Variants in ZNF251 observed in about 807,000 individuals in gnomAD.
ZNF251 encodes zinc finger protein 251.
A neutral mutation model predicts 13.5 loss-of-function variants in ZNF251; 14 were observed. The ratio of observed to expected loss-of-function variants is 1.04; its 90% CI spans 0.69 to 1.63. The LOEUF is 1.63. Ranked by LOEUF, ZNF251 falls within the 40% of genes most tolerant of loss-of-function variation. The pLI is 0.00. For synonymous variants in ZNF251, 287 were observed against 295.2 expected, an observed-to-expected ratio of 0.97 and a Z score of 0.28; for missense variants, 764 against 834.9, an observed-to-expected ratio of 0.92 and a Z score of 1.05.
intron 4 of ZNF251, among the ~76,000 whole-genome samples, chr8:144,731,144 G>C (rs1201983678): frequency 6.6e-6 from 1 of 152,202 alleles, no homozygotes; most frequent in Non-Finnish European, 1.5e-5. Flanking sequence ...CCTGGGCCAT[G>C]AGCTAAGGCC....
At chr8:144,739,850 G>A (rs1027046303) in intron 4 of ZNF251, among the ~76,000 whole-genome samples, 4 of 151,468 alleles carry the variant, frequency 2.6e-5, no homozygotes, top group African/African-American at 4.9e-5. Flanking sequence ...AGCCAAGATG[G>A]CACCACTGCA....
intron 4 of ZNF251, among the ~76,000 whole-genome samples, chr8:144,729,635 C>T (rs1268319338): frequency 6.6e-6 from 1 of 152,114 alleles, no homozygotes; most frequent in African/African-American, 2.4e-5. Context: ...CGCACCCGGC[C>T]TAAGATTCCT....
At chr8:144,754,574 C>T (rs1463259371) in intron 2 of ZNF251, 122 bp downstream of exon 2, 6 of 1,465,098 alleles carry the variant, frequency 4.1e-6, no homozygotes, top group Non-Finnish European at 5.4e-6. Context: ...CCTTTCCTCA[C>T]GGTTGCTATG....
chr8:144,737,837 C>CAAAAAAAA (rs56856212), intron 4 of ZNF251, among the ~76,000 whole-genome samples: 1 of 52,022 alleles, frequency 1.9e-5, no homozygotes, highest in African/African-American at 8.8e-5. Flanking sequence ...GACTCTGTCT[C>CAAAAAAAA]AAAAAAAAAA....
At chr8:144,733,041 G>T (rs949054695) in intron 4 of ZNF251, among the ~76,000 whole-genome samples, 10 of 151,634 alleles carry the variant, frequency 6.6e-5, no homozygotes, top group Non-Finnish European at 1.3e-4. Flanking sequence ...GGCCAACATG[G>T]AGAAACCCTG....
At chr8:144,732,129 AGACG>A (rs1305410831) in intron 4 of ZNF251, among the ~76,000 whole-genome samples, 1 of 151,310 alleles carries the variant, frequency 6.6e-6, no homozygotes, top group Admixed American at 6.6e-5. Context: ...TTTTTTGTAA[AGACG>A]GAGTTTACCA....
intron 4 of ZNF251, chr8:144,738,546 G>T (rs139934426): frequency 1.0e-6 from 1 of 984,730 alleles, no homozygotes; most frequent in Non-Finnish European, 1.2e-6. Flanking sequence ...ACTCATCCCC[G>T]GCCCCTTCCT....
chr8:144,751,404 G>C lies in ZNF251; in HGVS notation c.277+2279C>G, dbSNP rs1824687062. 2.6e-5 allele frequency among the ~76,000 whole-genome samples: 4 copies of C among 152,154 alleles called. 1 individual carries two copies. The South Asian group carries it at 6.2e-4, about 24-fold the overall frequency. ...CTTTCTGAGTTTAAAATGTTATGTA[G>C]ATGTATTACACATAACAACTATAAC... On this transcript the variant is annotated intron_variant, in intron 4 of 4. Coordinates refer to ENST00000292562, the MANE Select transcript of ZNF251 (RefSeq NM_138367.2).
intron 4 of ZNF251, among the ~76,000 whole-genome samples, chr8:144,743,359 C>T (rs577093320): frequency 3.3e-5 from 5 of 152,276 alleles, no homozygotes; most frequent in South Asian, 2.1e-4. Context: ...GCACCGTGCC[C>T]GGCCAATCAT....
In ZNF251 at chr8:144,731,808, G is replaced by A. The variant is rs563074903; in HGVS notation, c.278-8426C>T. 2.6e-5 allele frequency among the ~76,000 whole-genome samples: 4 copies of A among 151,968 alleles called. No homozygotes were observed. In the East Asian group the frequency reaches 7.7e-4, roughly 29 times the overall value. On this transcript the variant is annotated intron_variant, in intron 4 of 4. Coordinates refer to ENST00000292562, the MANE Select transcript of ZNF251 (RefSeq NM_138367.2). ...TCACCATGCTGGCCAGGCAGGTCTCGAACTCCTGACTCCAGGTGATCCGCC... is the reference window on the plus strand; with the variant it reads ...TCACCATGCTGGCCAGGCAGGTCTCAAACTCCTGACTCCAGGTGATCCGCC...
rs7841790 is a variant in ZNF251, at chr8:144,732,775, G to T, written c.278-9393C>A. On this transcript the variant is annotated intron_variant, in intron 4 of 4. Transcript: ENST00000292562. ...TGCAGTGAGCCAAGATCGCACCACT[G>T]CACTCCAGCCTGGGCGACAGAGCGA... is the stretch of plus-strand genomic sequence containing the variant. Among the ~76,000 whole-genome samples the T allele has an allele frequency of 6.7e-3, 962 of 143,946 alleles. 11 individuals are homozygous for T. Among genetic ancestry groups the T allele is most frequent in the African/African-American group, 0.023 (880 of 38,546 alleles). The allele number at this position is 143,946 out of a possible 152,430, so 94.4% of individuals were successfully genotyped here.
intron 4 of ZNF251, among the ~76,000 whole-genome samples, chr8:144,737,696 G>C (rs563755460): frequency 6.7e-6 from 1 of 149,900 alleles, no homozygotes; most frequent in South Asian, 2.1e-4. Context: ...GCCAGGCGTG[G>C]TGGCAGGCGC....
chr8:144,727,038 G>T (rs1029482638), intron 4 of ZNF251, among the ~76,000 whole-genome samples: 1 of 152,086 alleles, frequency 6.6e-6, no homozygotes, highest in African/African-American at 2.4e-5. Flanking sequence ...GGCAACAGAG[G>T]GACGCCCTGT....
In ZNF251 at chr8:144,722,991, G is replaced by C; in HGVS notation, c.669C>G (p.Asp223Glu). The C allele has an allele frequency of 6.2e-7, 1 of 1,613,894 alleles. No homozygotes were observed. ...TGTGACTTCTCTGGTGTCTACTTAG[G>C]TCTGAATTATATTTGAAGGTTTTGC... ...ICSKTFKYNS[D>E]LSRHQRSHTG... is the part of the protein sequence containing the mutation. Residue 223 changes from aspartate to glutamate, a missense_variant, in exon 5 of 5, where the codon GAC becomes GAG. Transcript: ENST00000292562. This position sits in a 1 kb window ranked among gnomAD's most constrained non-coding sequence, Gnocchi z 4.8.
chr8:144,744,009 C>CTTTT (rs1168495446), intron 4 of ZNF251, among the ~76,000 whole-genome samples: 8 of 88,822 alleles, frequency 9.0e-5, no homozygotes, highest in Non-Finnish European at 1.5e-4. Flanking sequence ...CTCTCGTTGT[C>CTTTT]TTTTTTTTTT....
intron 4 of ZNF251, among the ~76,000 whole-genome samples, chr8:144,723,882 G>C (rs1274036977): frequency 6.6e-6 from 1 of 152,184 alleles, no homozygotes. Context: ...TAAGTTAGCA[G>C]TGACAGACAG....
chr8:144,753,840 G>A (rs1824821220), intron 3 of ZNF251, 44 bp from the exon 4 acceptor site: 5 of 1,442,614 alleles, frequency 3.5e-6, no homozygotes, highest in South Asian at 1.3e-5. Context: ...GGCCCACTGG[G>A]CCTTCCAGGC....
In ZNF251 at chr8:144,755,403, AC is replaced by A; in HGVS notation, c.-76+1del. ...CTCCTTCCTGGTCCGACACTGCCCC[AC>A]CTGTTTGCTCGACCCGGGGAAGCCA... is the stretch of plus-strand genomic sequence containing the variant. On this transcript the variant is annotated splice_donor_variant, in intron 1 of 4. Coordinates refer to ENST00000292562, the MANE Select transcript of ZNF251 (RefSeq NM_138367.2). LOFTEE classifies it low-confidence loss of function (5UTR_SPLICE). 7.8e-7 allele frequency: 1 copy of A among 1,288,042 alleles called. No homozygotes were observed. The highest frequency in any genetic ancestry group is 1.2e-5 in the South Asian group (1 of 81,538). The allele number at this position is 1,288,042 out of a possible 1,614,324, so 79.8% of individuals were successfully genotyped here. A position where few individuals can be genotyped will look rare whatever the true frequency, so the allele number is the denominator to read the frequency against.
rs1823805802 is a variant in ZNF251, at chr8:144,734,047, C to T, written c.278-10665G>A. On this transcript the variant is annotated intron_variant, in intron 4 of 4. Coordinates refer to ENST00000292562, the MANE Select transcript of ZNF251 (RefSeq NM_138367.2). The surrounding 1 kb of genome is among the most constrained non-coding windows in gnomAD (Gnocchi z 4.4). The stretch of plus-strand genomic sequence containing the variant: ...GTGCCAGATGCCTAAACTGTGCAGC[C>T]TGAATGACTGTTGGGCAGGTAAGCG... 6.6e-6 allele frequency among the ~76,000 whole-genome samples: 1 copy of T among 152,216 alleles called. No individual in the cohort carries two copies. The highest frequency in any genetic ancestry group is 1.5e-5 in the Non-Finnish European group (1 of 68,044).
Sources: gnomAD v4.1 joint callset for allele counts (sites outside exome capture counted in the v4.1 genomes callset) on GRCh38, gnomAD v4.1.1 for gene constraint, Gnocchi (gnomAD v3.1) non-coding constraint, MANE v1.5 for transcripts, NCBI Gene and HGNC (gene_info 2026-07-23, HGNC 2026-07-21) for gene names.